The following RANBP2 variants were observed in gnomAD, a reference collection of about 807,000 sequenced individuals.
RANBP2 encodes the protein RAN binding protein 2, also known as E3 SUMO-protein ligase RanBP2.
Under a neutral mutation model 303.6 loss-of-function variants are expected in RANBP2, and 57 were observed. The observed-to-expected ratio is 0.19, with a 90% CI of 0.15 to 0.23. The LOEUF (loss-of-function observed/expected upper bound fraction) is 0.23. Among genes scored for constraint, RANBP2 ranks in the 10% least tolerant of loss-of-function variants. The pLI, the probability that RANBP2 is intolerant of heterozygous loss-of-function variation, is 1.00. For synonymous variants in RANBP2, 1,167 were observed against 1,301.5 expected (o/e 0.90, Z 2.23); for missense variants, 3,138 against 3,780.8 (o/e 0.83, Z 4.46).
At chr2:109,286,668 CCT>C in the RANBP2 span, among the ~76,000 whole-genome samples, 6 of 152,174 alleles carry the variant, frequency 3.9e-5, no homozygotes, top group Admixed American at 6.5e-5. Context: ...ATCTTTTCCC[CCT>C]GTTTGGCATA....
chr2:108,986,652 GA>G, the RANBP2 span, among the ~76,000 whole-genome samples: 20 of 152,188 alleles, frequency 1.3e-4, no homozygotes, highest in Non-Finnish European at 2.6e-4. Context: ...TCCTTATTGG[GA>G]AAATAGAGAA....
chr2:108,764,232 C>T lies in RANBP2; in HGVS notation c.3693C>T (p.Arg1231=). The change falls in exon 20 of 29, where the codon CGC becomes CGT. Residue 1231 remains arginine (R), a synonymous_variant. Coordinates refer to ENST00000283195, the MANE Select transcript of RANBP2 (RefSeq NM_006267.5). ...ILRHKTSGKI[R]LLMRREQVLK... ...GGCATAAAACATCTGGTAAAATTCG[C>T]CTTCTAATGAGACGAGAGCAAGTAT... 1 of 1,613,964 alleles carries T rather than the reference C, an allele frequency of 6.2e-7. No individual in the cohort carries two copies.
chr2:108,729,604 T>G (rs1172501908), intron 2 of RANBP2, among the ~76,000 whole-genome samples: 1 of 152,204 alleles, frequency 6.6e-6, no homozygotes, highest in Admixed American at 6.5e-5. Flanking sequence ...TAAAAGATGT[T>G]TAATTGACAC....
At chr2:109,779,072 G>GGCAAACCAGA in the RANBP2 span, among the ~76,000 whole-genome samples, 15 of 139,032 alleles carry the variant, frequency 1.1e-4, no homozygotes, top group Admixed American at 6.3e-4. Context: ...GCTTTCTGTG[G>GGCAAACCAGA]TTTCCTTAAC....
the RANBP2 span, among the ~76,000 whole-genome samples, chr2:109,600,362 T>C: frequency 2.0e-5 from 3 of 152,134 alleles, no homozygotes; most frequent in African/African-American, 7.2e-5. Flanking sequence ...TCCTCCTACA[T>C]GTCTGCTTGC....
chr2:109,486,937 T>C, the RANBP2 span, among the ~76,000 whole-genome samples: 1 of 152,194 alleles, frequency 6.6e-6, no homozygotes, highest in Admixed American at 6.5e-5. Flanking sequence ...CTGTTTGGTT[T>C]TCTCCCTGTG....
chr2:109,717,651 C>A, the RANBP2 span, among the ~76,000 whole-genome samples: 2 of 152,026 alleles, frequency 1.3e-5, no homozygotes, highest in Non-Finnish European at 2.9e-5. Context: ...CAGTGGCTCA[C>A]ACCTGTAATC....
At chr2:109,286,857 C>T in the RANBP2 span, among the ~76,000 whole-genome samples, 1 of 152,192 alleles carries the variant, frequency 6.6e-6, no homozygotes, top group Non-Finnish European at 1.5e-5. Flanking sequence ...ACTTCTCCAA[C>T]TCTAAATTCG....
chr2:108,923,419 A>T, the RANBP2 span: 1 of 1,614,218 alleles, frequency 6.2e-7, no homozygotes, highest in Non-Finnish European at 8.5e-7. Flanking sequence ...ACCATGCCAT[A>T]GATGTTCCTC....
the RANBP2 span, among the ~76,000 whole-genome samples, chr2:109,133,031 A>G: frequency 2.9e-3 from 438 of 152,308 alleles, no homozygotes; most frequent in Admixed American, 5.9e-3. Context: ...AGACTCGGCT[A>G]GGCACTATTA....
the RANBP2 span, among the ~76,000 whole-genome samples, chr2:109,230,570 A>G: frequency 6.6e-5 from 10 of 152,288 alleles, no homozygotes; most frequent in East Asian, 3.9e-4. Flanking sequence ...ACAGAGAGAG[A>G]TCATCTTAAA....
chr2:108,974,156 C>G, the RANBP2 span, among the ~76,000 whole-genome samples: 14 of 150,902 alleles, frequency 9.3e-5, no homozygotes, highest in Admixed American at 5.3e-4. Context: ...GGTGAAACCC[C>G]GTCTCTACTA....
the RANBP2 span, among the ~76,000 whole-genome samples, chr2:108,921,897 A>G: frequency 6.6e-6 from 1 of 152,238 alleles, no homozygotes; most frequent in African/African-American, 2.4e-5. Context: ...GACCTCCTTC[A>G]GGGCCGGATT....
chr2:109,069,194 G>T, the RANBP2 span, among the ~76,000 whole-genome samples: 4 of 152,204 alleles, frequency 2.6e-5, no homozygotes, highest in East Asian at 7.7e-4. Flanking sequence ...AATAATTAAA[G>T]AAAAACCCAA....
In RANBP2 at chr2:108,773,000, A is replaced by G. The variant is rs1350970215; in HGVS notation, c.8246A>G (p.Asn2749Ser). ...AGTGATACTGATGAAGACAATGGAA[A>G]TGGGGAGGACTTTCAATCAGAGCTT... ...VCSDTDEDNG[N>S]GEDFQSELQK... The change falls in exon 23 of 29, where the codon AAT becomes AGT. Residue 2749 changes from asparagine (N) to serine (S), a missense_variant. Transcript: ENST00000283195. 5 of 1,613,964 alleles carry G rather than the reference A, an allele frequency of 3.1e-6. No homozygotes were observed. Among genetic ancestry groups the G allele is most frequent in the Non-Finnish European group, 4.2e-6 (5 of 1,179,890 alleles).
chr2:109,607,016 T>A, the RANBP2 span, among the ~76,000 whole-genome samples: 2 of 152,212 alleles, frequency 1.3e-5, no homozygotes, highest in Admixed American at 6.5e-5. Flanking sequence ...AGTTTCAGCA[T>A]ATAAACAGTG....
the RANBP2 span, chr2:108,912,862 G>T: frequency 9.8e-7 from 1 of 1,022,772 alleles, no homozygotes; most frequent in Admixed American, 2.0e-5. Flanking sequence ...ATCATGAATG[G>T]GCCTGAGGCA....
At chr2:109,519,561 G>C in the RANBP2 span, among the ~76,000 whole-genome samples, 2 of 152,242 alleles carry the variant, frequency 1.3e-5, no homozygotes, top group African/African-American at 4.8e-5. Context: ...TGTCCCTACA[G>C]TTGCTGGGGA....
At chr2:109,584,474 CA>C in the RANBP2 span, among the ~76,000 whole-genome samples, 3,443 of 71,890 alleles carry the variant, frequency 0.048, 17 homozygotes, top group Middle Eastern at 0.094. Context: ...GACTCTGTCT[CA>C]AAAAAAAAAA....
Sources: allele counts gnomAD v4.1 joint callset (sites outside exome capture counted in the v4.1 genomes callset), GRCh38; gene constraint gnomAD v4.1.1; transcripts MANE v1.5; gene names NCBI Gene and HGNC (gene_info 2026-07-23, HGNC 2026-07-21).